USP48: variants seen among roughly 807,000 people sequenced by gnomAD.
USP48 encodes the protein ubiquitin carboxyl-terminal hydrolase 48.
In USP48, 43 loss-of-function variants were observed where a neutral mutation model predicts 150.7. The observed-to-expected ratio is 0.29, with a 90% CI of 0.22 to 0.37. USP48 has a LOEUF of 0.37. USP48 is among the 10% of genes least tolerant of loss of function. The pLI is 1.00. For missense variants in USP48, 813 were observed against 1,249.6 expected, an observed-to-expected ratio of 0.65 and a Z score of 5.27; for synonymous variants, 396 against 425.9, an observed-to-expected ratio of 0.93 and a Z score of 0.86.
intron 15 of USP48, among the ~76,000 whole-genome samples, chr1:21,711,267 A>G (rs1300238361): frequency 6.6e-6 from 1 of 152,158 alleles, no homozygotes; most frequent in South Asian, 2.1e-4. Context: ...TGTCCCACAG[A>G]CCCAAAAACT....
At chr1:21,698,964 G>A (rs1350614120) in intron 22 of USP48, among the ~76,000 whole-genome samples, 1 of 151,988 alleles carries the variant, frequency 6.6e-6, no homozygotes, top group Non-Finnish European at 1.5e-5. Context: ...TAAAACATAC[G>A]GTACTGCCAG....
chr1:21,751,362 G>A (rs1320914357), intron 6 of USP48, 145 bp downstream of exon 6: 3 of 628,926 alleles, frequency 4.8e-6, no homozygotes, highest in East Asian at 2.6e-5. Context: ...TTCATAAAGT[G>A]TCTTCTGGAT....
At chr1:21,732,881 TA>T (rs1174585972) in intron 9 of USP48, 3 of 154,488 alleles carry the variant, frequency 1.9e-5, no homozygotes, top group African/African-American at 7.2e-5. Context: ...CATTATGTCA[TA>T]AATTATAGCA....
At chr1:21,711,636 C>T (rs1048245024) in intron 15 of USP48, among the ~76,000 whole-genome samples, 2 of 152,202 alleles carry the variant, frequency 1.3e-5, no homozygotes, top group Admixed American at 6.5e-5. Context: ...ACCTTAGTGG[C>T]CCAATAGCAG....
chr1:21,742,985 G>T (rs934203145), intron 8 of USP48, among the ~76,000 whole-genome samples: 15 of 151,808 alleles, frequency 9.9e-5, no homozygotes, highest in Non-Finnish European at 2.2e-4. Flanking sequence ...ATAAAAACTG[G>T]GTGTTTTTAA....
rs35471864 is a variant in USP48 at position 21,709,585 on chromosome 1, TAA to T, written c.1964-2719_1964-2718del. ...TTTAAATGGTTTCCTTTTTATGCTT[TAA>T]AAAAAAAAAAAGAGAGCTTCTTTGT... On this transcript the variant is annotated intron_variant, in intron 15 of 26. Transcript: ENST00000308271. Among the ~76,000 whole-genome samples the T allele has an allele frequency of 3.4e-5, 5 of 145,502 alleles. No individual in the cohort carries two copies. In the South Asian group the frequency reaches 6.4e-4, roughly 19 times the overall value.
chr1:21,747,079 C>T lies in USP48; in HGVS notation c.979G>A (p.Val327Met), dbSNP rs2097796303. 1 of 1,610,860 alleles carries T rather than the reference C, an allele frequency of 6.2e-7. No homozygotes were observed. Reference protein sequence around the residue: ...FSEILDMEPYVEHKGGSYVYE... With the variant: ...FSEILDMEPYMEHKGGSYVYE... ...GTAAAAATATTACCTTTATGTTCCA[C>T]ATAAGGCTCCATATCCAAAATTTCT... The change falls in exon 8 of 27, where the codon GTG becomes ATG. Residue 327 changes from valine to methionine, a missense_variant. Coordinates refer to ENST00000308271, the MANE Select transcript of USP48 (RefSeq NM_032236.8).
chr1:21,757,736 T>A lies in USP48; in HGVS notation c.182A>T (p.His61Leu). 3.1e-6 allele frequency: 5 copies of A among 1,613,066 alleles called. No homozygotes were observed. Among genetic ancestry groups the A allele is most frequent in the Non-Finnish European group, 4.2e-6 (5 of 1,179,632 alleles). ...NPNCLVGIGEHIWLGEIDENS... is the reference protein window; with the variant it reads ...NPNCLVGIGELIWLGEIDENS... ...TTCATCTATTTCTCCTAACCAAATA[T>A]GCTCACCAATACCAACCAAGCAATT... The change falls in exon 2 of 27, where the codon CAT becomes CTT. Residue 61 changes from histidine to leucine, a missense_variant. Coordinates refer to ENST00000308271, the MANE Select transcript of USP48 (RefSeq NM_032236.8).
chr1:21,691,275 T>C (rs1028029287), intron 23 of USP48, among the ~76,000 whole-genome samples: 2 of 145,082 alleles, frequency 1.4e-5, no homozygotes, highest in Non-Finnish European at 3.0e-5. Flanking sequence ...GACCACGCCA[T>C]TGCACTCCAG....
chr1:21,706,887 A>AT lies in USP48; in HGVS notation c.1964-20dup. 2 of 1,563,206 alleles carry AT rather than the reference A, an allele frequency of 1.3e-6. No homozygotes were observed. Among genetic ancestry groups the AT allele is most frequent in the South Asian group, 1.2e-5 (1 of 83,458 alleles). ...AACTCACCTGAGTTTAAAAAAATAT[A>AT]TTTGGAAAAAAAAAAAACAGCTGAA... is the stretch of plus-strand genomic sequence containing the variant. On this transcript the variant is annotated intron_variant, in intron 15 of 26. Transcript: ENST00000308271.
chr1:21,713,507 AATGAC>A (rs2097696046), intron 15 of USP48, among the ~76,000 whole-genome samples: 1 of 152,154 alleles, frequency 6.6e-6, no homozygotes. Context: ...TCAGTACTGA[AATGAC>A]ATGATAAGAG....
At position 21,705,824 on chromosome 1, in the gene USP48, A is replaced by C; in HGVS notation, c.2287T>G (p.Cys763Gly). ...WRKFVRKPTR[C>G]SPVSSVGNSA... ...TTCCCAACTGATGACACAGGGCTGC[A>C]TCTTGTAGGCTTTCTACTCAAATGA... Residue 763 changes from cysteine to glycine, a missense_variant, in exon 19 of 27, where the codon TGC becomes GGC. Cys to Gly is a radical substitution (Grantham distance 159). Transcript: ENST00000308271. 2 of 1,604,062 alleles carry C rather than the reference A, an allele frequency of 1.2e-6. No homozygotes were observed. Among genetic ancestry groups the C allele is most frequent in the Non-Finnish European group, 1.7e-6 (2 of 1,176,910 alleles).
intron 21 of USP48, 25 bp from the exon 22 acceptor site, chr1:21,701,627 G>A (rs774858209): frequency 3.1e-6 from 5 of 1,607,710 alleles, no homozygotes; most frequent in East Asian, 2.2e-5. Context: ...ACAACAAAGA[G>A]AAGTAGGTCA....
chr1:21,735,961 G>C (rs1048399129), intron 9 of USP48, among the ~76,000 whole-genome samples: 2 of 152,110 alleles, frequency 1.3e-5, no homozygotes, highest in South Asian at 4.1e-4. Context: ...TGTAATCCCA[G>C]CTACTCAGGA....
chr1:21,764,631 G>A (rs937935028), intron 1 of USP48, among the ~76,000 whole-genome samples: 5 of 151,410 alleles, frequency 3.3e-5, no homozygotes, highest in South Asian at 2.1e-4. Context: ...GCTTGAACCC[G>A]GGAGGCGGAG....
intron 1 of USP48, among the ~76,000 whole-genome samples, chr1:21,780,678 G>C (rs2097912048): frequency 6.6e-6 from 1 of 151,420 alleles, no homozygotes; most frequent in African/African-American, 2.4e-5. Context: ...TATATGAAAT[G>C]TCCAGAATAG....
At chr1:21,720,906 G>T in intron 14 of USP48, 130 bp downstream of exon 14, 2 of 1,214,700 alleles carry the variant, frequency 1.6e-6, no homozygotes, top group East Asian at 2.4e-5. Flanking sequence ...CACAACCGCT[G>T]GGCTCAAGTG....
At chr1:21,733,272 T>C (rs145828251) in intron 9 of USP48, among the ~76,000 whole-genome samples, 3,098 of 152,016 alleles carry the variant, frequency 0.02, 41 homozygotes, top group Middle Eastern at 0.048. Flanking sequence ...AAAAAATTGG[T>C]CAGGCGTGGT....
chr1:21,757,577 G>T, intron 2 of USP48, 86 bp downstream of exon 2: 1 of 1,444,804 alleles, frequency 6.9e-7, no homozygotes, highest in Non-Finnish European at 9.3e-7. Context: ...GAAATCAGTA[G>T]AGTTTTCTGA....
Sources: allele counts gnomAD v4.1 joint callset (sites outside exome capture counted in the v4.1 genomes callset), GRCh38; gene constraint gnomAD v4.1.1; transcripts MANE v1.5; gene names NCBI Gene and HGNC (gene_info 2026-07-23, HGNC 2026-07-21).